The following CDK14 variants were observed in gnomAD, a reference collection of about 807,000 sequenced individuals.
The protein encoded by CDK14 is cyclin-dependent kinase 14.
Under a neutral mutation model 60.7 loss-of-function variants are expected in CDK14, and 34 were observed. The observed-to-expected ratio is 0.56, with a 90% CI of 0.43 to 0.75. The LOEUF is 0.75. CDK14 is among the 30% of genes least tolerant of loss of function. The pLI is 0.00. For synonymous variants in CDK14, 197 were observed against 203.7 expected, an observed-to-expected ratio of 0.97 and a Z score of 0.28; for missense variants, 482 against 564.1, an observed-to-expected ratio of 0.85 and a Z score of 1.47.
chr7:90,603,771 CACACTT>C (rs1799363419), intron 1 of CDK14, among the ~76,000 whole-genome samples: 1 of 152,222 alleles, frequency 6.6e-6, no homozygotes, highest in Admixed American at 6.5e-5. Flanking sequence ...CTTTCATCAA[CACACTT>C]ACACTTCACT....
intron 9 of CDK14, among the ~76,000 whole-genome samples, chr7:90,974,388 G>A (rs1312988656): frequency 2.0e-5 from 3 of 152,096 alleles, no homozygotes; most frequent in Admixed American, 6.6e-5. Context: ...GAAGATTACA[G>A]GATTAAGAGA....
At chr7:91,143,413 G>A (rs1052480448) in intron 14 of CDK14, among the ~76,000 whole-genome samples, 3 of 152,054 alleles carry the variant, frequency 2.0e-5, no homozygotes, top group Non-Finnish European at 4.4e-5. Context: ...AAGCACAATT[G>A]TAAGGTTAAT....
chr7:90,726,919 T>A (rs749260414), intron 3 of CDK14, 107 bp downstream of exon 3: 98 of 1,314,086 alleles, frequency 7.5e-5, no homozygotes, highest in Non-Finnish European at 1.0e-4. Flanking sequence ...TGCCTTATTA[T>A]GCATTCTCTC....
intron 4 of CDK14, among the ~76,000 whole-genome samples, chr7:90,772,453 C>T (rs1804822424): frequency 6.6e-6 from 1 of 152,156 alleles, no homozygotes; most frequent in Admixed American, 6.5e-5. Context: ...AATTGTAACT[C>T]CCAATGTTTG....
At chr7:90,672,502 G>GTTTTTTTTTTTTTTTTTT (rs201978996) in intron 2 of CDK14, among the ~76,000 whole-genome samples, 2 of 49,996 alleles carry the variant, frequency 4.0e-5, no homozygotes, top group African/African-American at 8.0e-5. Context: ...TTCTTCTTCT[G>GTTTTTTTTTTTTTTTTTT]TTTTTTTTTT....
At chr7:90,736,892 C>T (rs1381809887) in intron 3 of CDK14, among the ~76,000 whole-genome samples, 1 of 152,130 alleles carries the variant, frequency 6.6e-6, no homozygotes, top group Non-Finnish European at 1.5e-5. Context: ...ACCAAGAATG[C>T]CTTGACCTCA....
intron 2 of CDK14, among the ~76,000 whole-genome samples, chr7:90,606,129 G>T (rs1484510287): frequency 9.9e-5 from 15 of 152,078 alleles, no homozygotes; most frequent in Non-Finnish European, 1.5e-4. Flanking sequence ...AAGATCCATT[G>T]GAAATAATAA....
intron 2 of CDK14, among the ~76,000 whole-genome samples, chr7:90,702,924 A>C (rs1432568225): frequency 2.0e-5 from 3 of 152,086 alleles, no homozygotes; most frequent in Non-Finnish European, 2.9e-5. Flanking sequence ...AAACTAAGTG[A>C]AAATTTGGAA....
chr7:90,740,507 TCC>T, intron 3 of CDK14, among the ~76,000 whole-genome samples: 1 of 151,932 alleles, frequency 6.6e-6, no homozygotes, highest in African/African-American at 2.4e-5. Context: ...ACACCAGGGA[TCC>T]CATCAACCAG....
At chr7:90,960,867 G>A (rs911430922) in intron 9 of CDK14, among the ~76,000 whole-genome samples, 1 of 152,058 alleles carries the variant, frequency 6.6e-6, no homozygotes, top group African/African-American at 2.4e-5. Context: ...TCTATATGAG[G>A]TCCTGTGGTT....
intron 6 of CDK14, among the ~76,000 whole-genome samples, chr7:90,883,169 G>A (rs1028482208): frequency 6.6e-6 from 1 of 151,622 alleles, no homozygotes; most frequent in African/African-American, 2.4e-5. Context: ...CTGGTGTTTT[G>A]AAAAAATTAA....
Position 90,596,434 on chromosome 7 carries a change from G to T in CDK14, c.-194G>T, listed in dbSNP as rs978468680. On this transcript the variant is annotated 5_prime_UTR_variant, in exon 1 of 15. Transcript: ENST00000380050. ...AACCGCCCCCGCCCGCCCAGCTGCGGCCCAGGCCGGAGCGGAGCCTGCCGT... is the reference window on the plus strand; with the variant it reads ...AACCGCCCCCGCCCGCCCAGCTGCGTCCCAGGCCGGAGCGGAGCCTGCCGT... The T allele has an allele frequency of 1.2e-4, 49 of 425,680 alleles. 1 individual carries two copies. The highest frequency in any genetic ancestry group is 3.7e-4 in the South Asian group (10 of 27,142). The allele number at this position is 425,680 out of a possible 1,614,324, so 26.4% of individuals were successfully genotyped here.
intron 3 of CDK14, among the ~76,000 whole-genome samples, chr7:90,741,964 G>A (rs1047719573): frequency 1.3e-5 from 2 of 151,840 alleles, no homozygotes; most frequent in African/African-American, 2.4e-5. Flanking sequence ...TTTTTTTGAG[G>A]TTGAACCATT....
intron 5 of CDK14, among the ~76,000 whole-genome samples, chr7:90,858,349 G>C (rs1241260359): frequency 6.6e-6 from 1 of 152,154 alleles, no homozygotes; most frequent in African/African-American, 2.4e-5. Context: ...GGTGTAAGTG[G>C]TAAGAGAAGA....
chr7:91,193,594 A>G (rs191635174), intron 14 of CDK14, among the ~76,000 whole-genome samples: 8 of 152,262 alleles, frequency 5.3e-5, no homozygotes, highest in African/African-American at 1.9e-4. Context: ...AAGTGAATGG[A>G]AGTTGGTTTC....
intron 12 of CDK14, among the ~76,000 whole-genome samples, chr7:91,109,005 A>T (rs1799396281): frequency 6.6e-6 from 1 of 152,212 alleles, no homozygotes; most frequent in Non-Finnish European, 1.5e-5. Flanking sequence ...TAAGGTAGAC[A>T]TGCCTTATGA....
chr7:90,896,195 C>T lies in CDK14; in HGVS notation c.640-3096C>T, dbSNP rs564071186. On this transcript the variant is annotated intron_variant, in intron 6 of 14. Transcript: ENST00000380050. ...TAAATTTTCTTGTTGATGCTCTGAC[C>T]AAATTTAATTGCTTTGAAATGTAGT... 2.6e-5 allele frequency among the ~76,000 whole-genome samples: 4 copies of T among 151,756 alleles called. No individual in the cohort carries two copies. The East Asian group carries it at 7.8e-4, about 29-fold the overall frequency.
rs756426293 is a variant in CDK14, at chr7:91,033,007, C to A, written c.1042-12890C>A. On this transcript the variant is annotated intron_variant, in intron 10 of 14. Transcript: ENST00000380050. ...ATTTTTCAGGGTAAAGGTTGACAAT[C>A]AGCACACATTACAGAACAACAAGAT... Among the ~76,000 whole-genome samples the A allele has an allele frequency of 3.9e-5, 6 of 152,120 alleles. No homozygotes were observed. The South Asian group carries it at 1.2e-3, about 32-fold the overall frequency.
At chr7:90,712,343 T>G (rs1802097005) in intron 2 of CDK14, among the ~76,000 whole-genome samples, 1 of 151,932 alleles carries the variant, frequency 6.6e-6, no homozygotes, top group South Asian at 2.1e-4. Context: ...TTCTACTTTC[T>G]GTGTCTGTGA....
Sources: gnomAD v4.1 joint callset for allele counts (sites outside exome capture counted in the v4.1 genomes callset) on GRCh38, gnomAD v4.1.1 for gene constraint, MANE v1.5 for transcripts, NCBI Gene and HGNC (gene_info 2026-07-23, HGNC 2026-07-21) for gene names.